Variants in MTHFD2 observed in about 807,000 individuals in gnomAD.
The protein encoded by MTHFD2 is methylenetetrahydrofolate dehydrogenase (NADP+ dependent) 2, methenyltetrahydrofolate cyclohydrolase.
In MTHFD2, 26 loss-of-function variants were observed where a neutral mutation model predicts 36.8. The ratio of observed to expected loss-of-function variants is 0.71; its 90% CI spans 0.52 to 0.98. The LOEUF is 0.98. Ranked by LOEUF, MTHFD2 falls within the 50% of genes least tolerant of loss-of-function variation. MTHFD2 has a pLI of 0.00. For missense variants in MTHFD2, 373 were observed against 434.0 expected, an observed-to-expected ratio of 0.86 and a Z score of 1.25; for synonymous variants, 164 against 155.2, an observed-to-expected ratio of 1.06 and a Z score of -0.42.
intron 7 of MTHFD2, among the ~76,000 whole-genome samples, chr2:74,213,783 T>G (rs1694365432): frequency 1.3e-5 from 2 of 152,220 alleles, no homozygotes; most frequent in African/African-American, 4.8e-5. Flanking sequence ...AGGCAGGTAT[T>G]GAGGTAATGC....
Position 74,214,952 on chromosome 2 carries a change from C to T in MTHFD2, c.*710C>T, listed in dbSNP as rs1377985857. 1 of 152,540 alleles carries T rather than the reference C, an allele frequency of 6.6e-6. No homozygotes were observed. The highest frequency in any genetic ancestry group is 1.9e-4 in the East Asian group (1 of 5,198). The allele number at this position is 152,540 out of a possible 1,614,324, so 9.4% of individuals were successfully genotyped here. A position where few individuals can be genotyped will look rare whatever the true frequency, so the allele number is the denominator to read the frequency against. On this transcript the variant is annotated 3_prime_UTR_variant, in exon 8 of 8. Coordinates refer to ENST00000394053, the MANE Select transcript of MTHFD2 (RefSeq NM_006636.4). The stretch of plus-strand genomic sequence containing the variant: ...TTTCTAGGACTGAAAGGATTCTTTT[C>T]TACATTATACATGTGTGTTGTCATA...
At chr2:74,213,968 T>C (rs930855726) in intron 7 of MTHFD2, 111 bp from the exon 8 acceptor site, 2 of 1,219,890 alleles carry the variant, frequency 1.6e-6, no homozygotes, top group Non-Finnish European at 2.3e-6. Context: ...TTTTTGAGTT[T>C]TATGCTTATG....
At chr2:74,213,457 T>C (rs986014267) in intron 7 of MTHFD2, among the ~76,000 whole-genome samples, 1 of 151,562 alleles carries the variant, frequency 6.6e-6, no homozygotes, top group Non-Finnish European at 1.5e-5. Flanking sequence ...TTGTATTTTT[T>C]GTAGAGATGG....
intron 2 of MTHFD2, chr2:74,206,149 A>G (rs1161881878): frequency 6.5e-6 from 2 of 305,758 alleles, no homozygotes; most frequent in Non-Finnish European, 1.2e-5. Context: ...TAGTCTTTAT[A>G]TTTGATAGGT....
chr2:74,203,621 C>T (rs1694093125), intron 1 of MTHFD2, among the ~76,000 whole-genome samples: 1 of 151,992 alleles, frequency 6.6e-6, no homozygotes, highest in Non-Finnish European at 1.5e-5. Flanking sequence ...GAGCAAGACT[C>T]TGTCTCAAAA....
intron 3 of MTHFD2, 61 bp downstream of exon 3, chr2:74,207,887 CCTCT>C: frequency 4.7e-6 from 7 of 1,496,268 alleles, no homozygotes; most frequent in Admixed American, 1.8e-5. Context: ...CCTCTCCCTC[CCTCT>C]CTCTCTCCCT....
At chr2:74,207,880 C>T in intron 3 of MTHFD2, 54 bp downstream of exon 3, 1 of 1,512,952 alleles carries the variant, frequency 6.6e-7, no homozygotes, top group Non-Finnish European at 9.0e-7. Context: ...TCCTTTCCCT[C>T]TCCCTCCCTC....
chr2:74,200,620 A>C (rs2103802365), intron 1 of MTHFD2, among the ~76,000 whole-genome samples: 1 of 151,924 alleles, frequency 6.6e-6, no homozygotes, highest in South Asian at 2.1e-4. Context: ...ATAGTAGCCT[A>C]GGAGACAGTG....
chr2:74,210,785 G>GTTTTTGTTTTTTT (rs1694284705), intron 5 of MTHFD2, among the ~76,000 whole-genome samples: 1 of 132,070 alleles, frequency 7.6e-6, no homozygotes, highest in Non-Finnish European at 1.6e-5. Flanking sequence ...CATTAAGTCA[G>GTTTTTGTTTTTTT]TTTTTTTTTT....
At chr2:74,206,211 G>T (rs1694176167) in intron 2 of MTHFD2, 1 of 216,354 alleles carries the variant, frequency 4.6e-6, no homozygotes, top group East Asian at 1.0e-4. Flanking sequence ...TGGGTCTCCA[G>T]TGGAGGTGTT....
At chr2:74,200,401 C>T (rs1694015735) in intron 1 of MTHFD2, among the ~76,000 whole-genome samples, 1 of 152,198 alleles carries the variant, frequency 6.6e-6, no homozygotes, top group Non-Finnish European at 1.5e-5. Flanking sequence ...TGAAAGCAAT[C>T]CATATTATCT....
chr2:74,203,866 G>A (rs1362896883), intron 1 of MTHFD2, among the ~76,000 whole-genome samples: 2 of 47,066 alleles, frequency 4.2e-5, no homozygotes, highest in African/African-American at 1.6e-4. Context: ...GTTTAGTTTA[G>A]TTTAGTTTAG....
At chr2:74,200,061 T>C (rs981353361) in intron 1 of MTHFD2, among the ~76,000 whole-genome samples, 1 of 152,238 alleles carries the variant, frequency 6.6e-6, no homozygotes, top group Admixed American at 6.5e-5. Context: ...GCGGAAATGC[T>C]GTTAGAAATA....
At chr2:74,199,135 C>T (rs565239400) in intron 1 of MTHFD2, among the ~76,000 whole-genome samples, 4 of 152,222 alleles carry the variant, frequency 2.6e-5, no homozygotes, top group African/African-American at 9.6e-5. Context: ...TGGGGGAGAA[C>T]AGGCGAGGGT....
chr2:74,214,300 G>A lies in MTHFD2; in HGVS notation c.*58G>A. ...CAGGCCAGCTCAAGAAGCAAAGCAG[G>A]CCAATAGAAATGCAATATTTTTAAT... is the stretch of plus-strand genomic sequence containing the variant. On this transcript the variant is annotated 3_prime_UTR_variant, in exon 8 of 8. Coordinates refer to ENST00000394053, the MANE Select transcript of MTHFD2 (RefSeq NM_006636.4). 6.5e-7 allele frequency: 1 copy of A among 1,544,024 alleles called. No homozygotes were observed. The highest frequency in any genetic ancestry group is 8.8e-7 in the Non-Finnish European group (1 of 1,139,376).
chr2:74,211,383 C>T (rs1281586789), intron 6 of MTHFD2, 92 bp downstream of exon 6: 5 of 766,082 alleles, frequency 6.5e-6, no homozygotes, highest in Middle Eastern at 2.6e-4. Flanking sequence ...AGCTGCTATT[C>T]ATCATTCCCC....
intron 4 of MTHFD2, 120 bp downstream of exon 4, chr2:74,208,841 C>T: frequency 9.5e-7 from 1 of 1,052,852 alleles, no homozygotes; most frequent in Non-Finnish European, 1.4e-6. Context: ...TAGTCTTACT[C>T]CCCAAAGTTT....
At chr2:74,213,122 T>A (rs1694343969) in intron 7 of MTHFD2, among the ~76,000 whole-genome samples, 1 of 152,020 alleles carries the variant, frequency 6.6e-6, no homozygotes, top group South Asian at 2.1e-4. Context: ...CAGGTTGGTC[T>A]TGAACTCCTG....
At chr2:74,201,912 CTTTGTT>C (rs1434651298) in intron 1 of MTHFD2, among the ~76,000 whole-genome samples, 2 of 151,666 alleles carry the variant, frequency 1.3e-5, no homozygotes, top group African/African-American at 4.8e-5. Flanking sequence ...TTGCATGTGA[CTTTGTT>C]TTTGGTTCTT....
Sources: allele counts gnomAD v4.1 joint callset (sites outside exome capture counted in the v4.1 genomes callset), GRCh38; gene constraint gnomAD v4.1.1; transcripts MANE v1.5; gene names NCBI Gene and HGNC (gene_info 2026-07-23, HGNC 2026-07-21).